Variants in PARD3B observed in about 807,000 individuals in gnomAD.
The protein encoded by PARD3B is partitioning defective 3 homolog B.
In PARD3B, 103 loss-of-function variants were observed where a neutral mutation model predicts 130.2. The ratio of observed to expected loss-of-function variants is 0.79; its 90% CI spans 0.67 to 0.93. The LOEUF is 0.93. Ranked by LOEUF, PARD3B falls within the 40% of genes least tolerant of loss-of-function variation. The pLI is 0.00. For missense variants in PARD3B, 1,609 were observed against 1,499.2 expected, an observed-to-expected ratio of 1.07 and a Z score of -1.21; for synonymous variants, 583 against 553.2, an observed-to-expected ratio of 1.05 and a Z score of -0.76.
intron 4 of PARD3B, among the ~76,000 whole-genome samples, chr2:205,057,639 A>G (rs1699791414): frequency 1.4e-5 from 2 of 144,186 alleles, no homozygotes. Flanking sequence ...ATATATACAT[A>G]TATGTGTATG....
At chr2:204,572,063 G>T (rs1442962132) in intron 1 of PARD3B, among the ~76,000 whole-genome samples, 2 of 152,156 alleles carry the variant, frequency 1.3e-5, no homozygotes, top group Non-Finnish European at 2.9e-5. Context: ...TGCGGATCTA[G>T]AATAGTGCCT....
At chr2:204,740,170 C>T (rs1347007656) in intron 2 of PARD3B, among the ~76,000 whole-genome samples, 9 of 151,412 alleles carry the variant, frequency 5.9e-5, no homozygotes, top group African/African-American at 2.0e-4. Context: ...TGCTATCATG[C>T]CTGGCTAATC....
chr2:205,261,671 G>A (rs1290149626), intron 16 of PARD3B, among the ~76,000 whole-genome samples: 2 of 152,154 alleles, frequency 1.3e-5, no homozygotes, highest in Non-Finnish European at 2.9e-5. Flanking sequence ...CGTTATATTT[G>A]TAGTTACAAG....
intron 10 of PARD3B, among the ~76,000 whole-genome samples, chr2:205,157,806 G>A (rs1042775365): frequency 1.3e-5 from 2 of 152,136 alleles, no homozygotes; most frequent in Non-Finnish European, 2.9e-5. Context: ...CTACAAGCTT[G>A]AGAGGAATGC....
chr2:205,013,304 A>G (rs1695871463), intron 3 of PARD3B, among the ~76,000 whole-genome samples: 1 of 152,206 alleles, frequency 6.6e-6, no homozygotes, highest in Non-Finnish European at 1.5e-5. Flanking sequence ...TAGTATTTAT[A>G]ATTGATAACT....
chr2:205,600,785 G>A (rs973053224), intron 22 of PARD3B, among the ~76,000 whole-genome samples: 9 of 152,102 alleles, frequency 5.9e-5, no homozygotes, highest in Middle Eastern at 3.2e-3. Context: ...TCAGTTTGCC[G>A]AGGCTAATGG....
rs371051880 is a variant in PARD3B at position 204,847,139 on chromosome 2, G to A, written c.223-118013G>A. Reference sequence around the variant, plus strand: ...GGTATGTTTGTTTCTTGAGGAAAATGTATAACAGCTATTTTTCTGTAACTT... The same window carrying A: ...GGTATGTTTGTTTCTTGAGGAAAATATATAACAGCTATTTTTCTGTAACTT... On this transcript the variant is annotated intron_variant, in intron 2 of 22. Transcript: ENST00000406610. 2.0e-5 allele frequency among the ~76,000 whole-genome samples: 3 copies of A among 150,446 alleles called. No homozygotes were observed. The East Asian group carries it at 5.8e-4, about 29-fold the overall frequency.
chr2:205,053,658 T>A (rs1265746680), intron 4 of PARD3B, among the ~76,000 whole-genome samples: 3 of 150,596 alleles, frequency 2.0e-5, no homozygotes, highest in Non-Finnish European at 3.0e-5. Context: ...AAAAAAAAAA[T>A]TCCAACATAT....
chr2:205,185,978 T>C, intron 14 of PARD3B, 115 bp downstream of exon 14: 1 of 843,250 alleles, frequency 1.2e-6, no homozygotes, highest in Non-Finnish European at 2.0e-6. Flanking sequence ...ATGGAAATCT[T>C]ATAGTATCTA....
rs1016359001 is a variant in PARD3B, at chr2:204,906,443, G to A, written c.223-58709G>A. 6.6e-6 allele frequency among the ~76,000 whole-genome samples: 1 copy of A among 152,072 alleles called. No individual in the cohort carries two copies. The highest frequency in any genetic ancestry group is 1.5e-5 in the Non-Finnish European group (1 of 68,008). ...TGTATGTATAAATGAATGAATATGG[G>A]AAGAGAGAATTCTCCTCCCGTGCCA... On this transcript the variant is annotated intron_variant, in intron 2 of 22. Transcript: ENST00000406610. This position sits in a 1 kb window ranked among gnomAD's most constrained non-coding sequence, Gnocchi z 4.3.
chr2:205,570,213 C>G (rs1404043128), intron 22 of PARD3B, among the ~76,000 whole-genome samples: 1 of 152,042 alleles, frequency 6.6e-6, no homozygotes, highest in Non-Finnish European at 1.5e-5. Context: ...AAGTTACATG[C>G]CAGTTTATGA....
intron 1 of PARD3B, among the ~76,000 whole-genome samples, chr2:204,551,432 G>A (rs886576962): frequency 6.6e-6 from 1 of 152,104 alleles, no homozygotes; most frequent in Admixed American, 6.6e-5. Flanking sequence ...TTGTCATCAT[G>A]CTTGACTGTT....
rs1242028490 is a variant in PARD3B at position 205,241,231 on chromosome 2, G to A, written c.2141-4547G>A. 6.6e-6 allele frequency among the ~76,000 whole-genome samples: 1 copy of A among 152,086 alleles called. No individual in the cohort carries two copies. The highest frequency in any genetic ancestry group is 1.9e-4 in the East Asian group (1 of 5,192). On this transcript the variant is annotated intron_variant, in intron 15 of 22. Transcript: ENST00000406610. This position sits in a 1 kb window ranked among gnomAD's most constrained non-coding sequence, Gnocchi z 4.2. Reference sequence around the variant, plus strand: ...TTAACAAGCATCCAAGCCAAAGAGTGTCCTCTTTATTAAGCACCTTATGAT... The same window carrying A: ...TTAACAAGCATCCAAGCCAAAGAGTATCCTCTTTATTAAGCACCTTATGAT...
intron 4 of PARD3B, among the ~76,000 whole-genome samples, chr2:205,093,406 C>T (rs1215512925): frequency 6.6e-6 from 1 of 151,930 alleles, no homozygotes; most frequent in African/African-American, 2.4e-5. Flanking sequence ...CTTCACCTAC[C>T]CCGAGATCAA....
chr2:204,665,670 T>G (rs2035991595), intron 1 of PARD3B, among the ~76,000 whole-genome samples: 1 of 152,182 alleles, frequency 6.6e-6, no homozygotes, highest in African/African-American at 2.4e-5. Flanking sequence ...AATGAAGTAA[T>G]TAGAAGAAAG....
At chr2:204,981,918 T>C (rs1357610809) in intron 3 of PARD3B, among the ~76,000 whole-genome samples, 3 of 152,060 alleles carry the variant, frequency 2.0e-5, no homozygotes, top group African/African-American at 7.2e-5. Context: ...TCTTCATCTT[T>C]TTTAGCAGGG....
At chr2:204,598,392 A>G (rs2033380408) in intron 1 of PARD3B, among the ~76,000 whole-genome samples, 1 of 152,146 alleles carries the variant, frequency 6.6e-6, no homozygotes, top group Non-Finnish European at 1.5e-5. Context: ...TTAGAACTCA[A>G]GACTACAGGG....
intron 2 of PARD3B, among the ~76,000 whole-genome samples, chr2:204,718,929 T>C (rs191528592): frequency 7.0e-4 from 107 of 152,296 alleles, no homozygotes; most frequent in African/African-American, 2.6e-3. Context: ...TTAATCATGA[T>C]TACTCCTGAC....
At position 204,838,331 on chromosome 2, in the gene PARD3B, C is replaced by T. The variant is rs535954746; in HGVS notation, c.223-126821C>T. ...CCAAGTAGCTGGGATTACAGGCACCCGCCACCATACCTGGCTAATGTGTGT... is the reference window on the plus strand; with the variant it reads ...CCAAGTAGCTGGGATTACAGGCACCTGCCACCATACCTGGCTAATGTGTGT... On this transcript the variant is annotated intron_variant, in intron 2 of 22. Transcript: ENST00000406610. Among the ~76,000 whole-genome samples, 15 of 150,694 alleles carry T rather than the reference C, an allele frequency of 1.0e-4. 1 individual carries two copies. Among genetic ancestry groups the T allele is most frequent in the Admixed American group, 2.0e-4 (3 of 15,140 alleles).
Sources: gnomAD v4.1 joint callset for allele counts (sites outside exome capture counted in the v4.1 genomes callset) on GRCh38, gnomAD v4.1.1 for gene constraint, Gnocchi (gnomAD v3.1) non-coding constraint, MANE v1.5 for transcripts, NCBI Gene and HGNC (gene_info 2026-07-23, HGNC 2026-07-21) for gene names.